GRIK1: variants seen among roughly 807,000 people sequenced by gnomAD.
GRIK1 encodes the protein glutamate ionotropic receptor kainate type subunit 1.
A neutral mutation model predicts 105.7 loss-of-function variants in GRIK1; 69 were observed. That is an observed-to-expected ratio of 0.65 (90% CI 0.54 to 0.80). The LOEUF is 0.80. GRIK1 is among the 30% of genes least tolerant of loss of function. The pLI is 0.00. For missense variants in GRIK1, 1,109 were observed against 1,167.3 expected, an observed-to-expected ratio of 0.95 and a Z score of 0.73; for synonymous variants, 438 against 431.3, an observed-to-expected ratio of 1.02 and a Z score of -0.19.
At chr21:29,562,001 T>G (rs1038918703) in intron 14 of GRIK1, 152 bp from the exon 15 acceptor site, 2 of 622,160 alleles carry the variant, frequency 3.2e-6, no homozygotes, top group Non-Finnish European at 5.8e-6. Flanking sequence ...GGCTTCACTT[T>G]TGTAGCTGAG....
At chr21:29,564,438 C>T (rs2090564981) in intron 14 of GRIK1, among the ~76,000 whole-genome samples, 2 of 152,196 alleles carry the variant, frequency 1.3e-5, no homozygotes, top group African/African-American at 4.8e-5. Context: ...TGAGCCACCG[C>T]GCCCGGCCGC....
At chr21:29,603,797 T>G (rs965091808) in intron 7 of GRIK1, among the ~76,000 whole-genome samples, 1 of 152,208 alleles carries the variant, frequency 6.6e-6, no homozygotes, top group Non-Finnish European at 1.5e-5. Flanking sequence ...CTCCACTGTG[T>G]TAGGGGTTTG....
intron 4 of GRIK1, among the ~76,000 whole-genome samples, chr21:29,664,643 G>T (rs953283411): frequency 6.6e-6 from 1 of 152,050 alleles, no homozygotes; most frequent in African/African-American, 2.4e-5. Context: ...ACATAATTTG[G>T]CTGGATAAAT....
At chr21:29,929,727 A>G (rs374790556) in intron 1 of GRIK1, among the ~76,000 whole-genome samples, 17 of 152,236 alleles carry the variant, frequency 1.1e-4, no homozygotes, top group East Asian at 5.8e-4. Context: ...AGGAATGTAA[A>G]TTAGTACAAT....
chr21:29,723,694 G>A (rs779486996), intron 1 of GRIK1, among the ~76,000 whole-genome samples: 2 of 152,180 alleles, frequency 1.3e-5, no homozygotes, highest in Non-Finnish European at 2.9e-5. Context: ...TAATGCATAT[G>A]GAACAATGGA....
chr21:29,912,913 T>G (rs372103342), intron 1 of GRIK1, among the ~76,000 whole-genome samples: 10 of 152,232 alleles, frequency 6.6e-5, no homozygotes, highest in African/African-American at 2.4e-4. Context: ...TTAAAATAAT[T>G]AGTATCAAGT....
chr21:29,682,907 A>G (rs1322889174), intron 3 of GRIK1, among the ~76,000 whole-genome samples: 2 of 152,052 alleles, frequency 1.3e-5, no homozygotes, highest in Non-Finnish European at 2.9e-5. Context: ...CATATTCAGA[A>G]TCTATAAAGA....
chr21:29,783,736 A>C (rs1160318277), intron 1 of GRIK1, among the ~76,000 whole-genome samples: 1 of 152,204 alleles, frequency 6.6e-6, no homozygotes, highest in Non-Finnish European at 1.5e-5. Flanking sequence ...TCCATTAAAA[A>C]ATTCTCTATT....
intron 7 of GRIK1, among the ~76,000 whole-genome samples, chr21:29,614,981 C>G (rs1657135424): frequency 6.6e-6 from 1 of 151,502 alleles, no homozygotes; most frequent in African/African-American, 2.5e-5. Flanking sequence ...CTTGTGTACA[C>G]TAATATATCC....
rs1286439971 is a variant in GRIK1, at chr21:29,651,200, G to A, written c.872C>T (p.Ser291Leu). Residue 291 changes from serine (S) to leucine (L), a missense_variant, in exon 6 of 18, where the codon TCA becomes TTA. Transcript: ENST00000327783. The part of the protein sequence containing the change: ...RLLNIDNPHV[S>L]SIIEKWSMER... ...CATGGACCACTTCTCAATGATGGATGACACGTGAGGGTTGTCAATGTTAAG... is the reference window on the plus strand; with the variant it reads ...CATGGACCACTTCTCAATGATGGATAACACGTGAGGGTTGTCAATGTTAAG... 3 of 1,613,388 alleles carry A rather than the reference G, an allele frequency of 1.9e-6. No homozygotes were observed. Among genetic ancestry groups the A allele is most frequent in the East Asian group, 4.5e-5 (2 of 44,890 alleles).
At chr21:29,856,511 A>T (rs2068468985) in intron 1 of GRIK1, among the ~76,000 whole-genome samples, 1 of 152,190 alleles carries the variant, frequency 6.6e-6, no homozygotes, top group African/African-American at 2.4e-5. Flanking sequence ...AATCAGGCTG[A>T]TCCCAGTGCT....
chr21:29,760,251 T>C (rs1428411078), intron 1 of GRIK1: 4 of 152,284 alleles, frequency 2.6e-5, no homozygotes, highest in Non-Finnish European at 4.4e-5. Context: ...CAACATGCTC[T>C]TGTTTGTGGC....
At chr21:29,769,759 G>C (rs977141903) in intron 1 of GRIK1, among the ~76,000 whole-genome samples, 4 of 152,082 alleles carry the variant, frequency 2.6e-5, no homozygotes, top group African/African-American at 9.7e-5. Context: ...CTAGAAGCTA[G>C]GAGGGAGACC....
chr21:29,676,629 G>C (rs1474941821), intron 3 of GRIK1, among the ~76,000 whole-genome samples: 2 of 152,102 alleles, frequency 1.3e-5, no homozygotes, highest in South Asian at 2.1e-4. Context: ...CAGAACCCCA[G>C]TTGCAGTGAA....
In GRIK1 at chr21:29,828,278, C is replaced by G. The variant is rs182124425; in HGVS notation, c.118+111105G>C. 3.6e-3 allele frequency among the ~76,000 whole-genome samples: 541 copies of G among 152,094 alleles called. 4 individuals carry two copies. The highest frequency in any genetic ancestry group is 0.012 in the African/African-American group (508 of 41,510). On this transcript the variant is annotated intron_variant, in intron 1 of 17. Coordinates refer to ENST00000327783, the MANE Select transcript of GRIK1 (RefSeq NM_001330994.2). ...AGGAGGCATGGTTTACTAGAAGTCA[C>G]TTACATAACAGACTGCCACAAACCC...
At chr21:29,750,727 T>A (rs2065173943) in intron 1 of GRIK1, among the ~76,000 whole-genome samples, 1 of 152,010 alleles carries the variant, frequency 6.6e-6, no homozygotes, top group African/African-American at 2.4e-5. Flanking sequence ...TCTTATAGAT[T>A]CTCAGAAGAA....
At chr21:29,594,577 G>A (rs1162096663) in intron 9 of GRIK1, among the ~76,000 whole-genome samples, 1 of 152,178 alleles carries the variant, frequency 6.6e-6, no homozygotes, top group Non-Finnish European at 1.5e-5. Context: ...TTTGTAAGCT[G>A]GCACAAGGGA....
At chr21:29,596,462 G>T in intron 9 of GRIK1, 64 bp downstream of exon 9, 1 of 1,049,752 alleles carries the variant, frequency 9.5e-7, no homozygotes, top group Non-Finnish European at 1.5e-6. Context: ...AAGGGCACAG[G>T]CCTTTCCAAT....
chr21:29,723,132 C>G lies in GRIK1; in HGVS notation c.119-29069G>C, dbSNP rs565582017. Reference sequence around the variant, plus strand: ...GAGTTCAAGACCAGCCTGGGCAACACAGGGAGACCCTGTTTCTACCAAAAA... The same window carrying G: ...GAGTTCAAGACCAGCCTGGGCAACAGAGGGAGACCCTGTTTCTACCAAAAA... On this transcript the variant is annotated intron_variant, in intron 1 of 17. Coordinates refer to ENST00000327783, the MANE Select transcript of GRIK1 (RefSeq NM_001330994.2). Among the ~76,000 whole-genome samples, 11 of 152,266 alleles carry G rather than the reference C, an allele frequency of 7.2e-5. No homozygotes were observed. In the South Asian group the frequency reaches 2.3e-3, roughly 32 times the overall value.
Sources: gnomAD v4.1 joint callset for allele counts (sites outside exome capture counted in the v4.1 genomes callset) on GRCh38, gnomAD v4.1.1 for gene constraint, MANE v1.5 for transcripts, NCBI Gene and HGNC (gene_info 2026-07-23, HGNC 2026-07-21) for gene names.